CFDP1: variants seen among roughly 807,000 people sequenced by gnomAD.
CFDP1 encodes chromatin remodeling protein CFDP1.
CFDP1 carries 31 observed loss-of-function variants against 40.1 expected under a neutral mutation model. The observed-to-expected ratio is 0.77, with a 90% confidence interval of 0.58 to 1.04. The LOEUF (loss-of-function observed/expected upper bound fraction) is 1.04, where lower values mean the gene tolerates loss of function less well. Ranked by LOEUF, CFDP1 falls within the 50% of genes least tolerant of loss-of-function variation. The pLI is 0.00. For missense variants in CFDP1, 423 were observed against 343.4 expected (o/e 1.23, Z -1.83); for synonymous variants, 167 against 120.0 (o/e 1.39, Z -2.56).
chr16:75,346,299 T>C (rs879380224), intron 5 of CFDP1, among the ~76,000 whole-genome samples: 9 of 152,042 alleles, frequency 5.9e-5, no homozygotes, highest in Non-Finnish European at 8.8e-5. Flanking sequence ...GAGCACCAGG[T>C]AGGGCTGGGC....
At chr16:75,351,433 G>A (rs1001847596) in intron 5 of CFDP1, among the ~76,000 whole-genome samples, 2 of 152,148 alleles carry the variant, frequency 1.3e-5, no homozygotes, top group African/African-American at 4.8e-5. Flanking sequence ...GGAATGTTTT[G>A]TTATGCCATA....
chr16:75,395,772 T>G (rs1427344626), intron 4 of CFDP1, among the ~76,000 whole-genome samples: 1 of 152,164 alleles, frequency 6.6e-6, no homozygotes, highest in East Asian at 1.9e-4. Flanking sequence ...CAAAATCCCC[T>G]AAAACTGGCT....
chr16:75,317,626 G>A (rs1047207505), intron 5 of CFDP1, among the ~76,000 whole-genome samples: 5 of 152,162 alleles, frequency 3.3e-5, no homozygotes, highest in Non-Finnish European at 5.9e-5. Flanking sequence ...ACATTTCTGA[G>A]ACACAATTTT....
chr16:75,305,502 T>C (rs1430299765), intron 5 of CFDP1: 1 of 262,348 alleles, frequency 3.8e-6, no homozygotes, highest in Non-Finnish European at 7.3e-6. Context: ...GGCAGGGCTT[T>C]GGAGTCACAT....
At chr16:75,327,465 G>A (rs1039761360) in intron 5 of CFDP1, among the ~76,000 whole-genome samples, 1 of 138,874 alleles carries the variant, frequency 7.2e-6, no homozygotes, top group South Asian at 2.1e-4. Context: ...GAAGGGGACA[G>A]AAGGTGAAGG....
chr16:75,416,699 G>A (rs1439172376), intron 1 of CFDP1, among the ~76,000 whole-genome samples: 1 of 152,134 alleles, frequency 6.6e-6, no homozygotes. Flanking sequence ...AGTGAGCCAA[G>A]ATCACACCAC....
intron 5 of CFDP1, among the ~76,000 whole-genome samples, chr16:75,323,028 T>C (rs777232832): frequency 5.9e-5 from 9 of 151,834 alleles, no homozygotes; most frequent in Non-Finnish European, 1.2e-4. Context: ...ATTTAGAAAA[T>C]TTTTTTTTCT....
At chr16:75,296,751 G>T (rs1376264359) in intron 6 of CFDP1, among the ~76,000 whole-genome samples, 1 of 152,182 alleles carries the variant, frequency 6.6e-6, no homozygotes, top group Non-Finnish European at 1.5e-5. Flanking sequence ...GGATGCAACT[G>T]AATTCTCAAG....
chr16:75,317,763 T>A (rs549547891), intron 5 of CFDP1, among the ~76,000 whole-genome samples: 2 of 152,182 alleles, frequency 1.3e-5, no homozygotes, highest in South Asian at 4.1e-4. Context: ...CTCCCACCAG[T>A]CACAGCCGCA....
intron 4 of CFDP1, among the ~76,000 whole-genome samples, chr16:75,397,858 T>C (rs550512363): frequency 3.9e-5 from 6 of 152,298 alleles, no homozygotes; most frequent in Admixed American, 2.6e-4. Flanking sequence ...AATCCTTCCC[T>C]ACTCCACTGA....
intron 6 of CFDP1, among the ~76,000 whole-genome samples, chr16:75,294,669 C>T (rs910116981): frequency 2.6e-5 from 4 of 152,166 alleles, no homozygotes; most frequent in Non-Finnish European, 4.4e-5. Flanking sequence ...TTCTCCTCTC[C>T]GCAGTATCCT....
chr16:75,395,155 C>G lies in CFDP1; in HGVS notation c.585G>C (p.Gln195His), dbSNP rs1261279077. 1 of 1,613,674 alleles carries G rather than the reference C, an allele frequency of 6.2e-7. No individual in the cohort carries two copies. Among genetic ancestry groups the G allele is most frequent in the Non-Finnish European group, 8.5e-7 (1 of 1,179,808 alleles). ...TSKEAKSFFK[Q>H]NEKEKPQANV... ...TAGCCTGTGGTTTTTCTTTCTCATT[C>G]TGCTTGAAGAAGGATTTGGCCTCTT... The change falls in exon 5 of 7, where the codon CAG (glutamine) becomes CAC (histidine). Residue 195 changes from glutamine (Q) to histidine (H), a missense_variant. Gln to His is a conservative substitution (Grantham distance 24). Transcript: ENST00000283882.
intron 5 of CFDP1, among the ~76,000 whole-genome samples, chr16:75,305,590 C>T (rs1033729034): frequency 9.2e-5 from 14 of 152,174 alleles, no homozygotes; most frequent in African/African-American, 3.1e-4. Context: ...TCCTAATCTA[C>T]AAAGCAAATG....
intron 4 of CFDP1, among the ~76,000 whole-genome samples, chr16:75,401,558 C>A (rs530478304): frequency 4.1e-4 from 62 of 151,948 alleles, no homozygotes; most frequent in Non-Finnish European, 8.1e-4. Flanking sequence ...TGAGATAGCG[C>A]CACTACACTC....
At chr16:75,325,141 G>A (rs186685794) in intron 5 of CFDP1, 3 of 152,476 alleles carry the variant, frequency 2.0e-5, no homozygotes, top group East Asian at 1.9e-4. Context: ...CTTACCTTCA[G>A]CCCAGACTCT....
intron 5 of CFDP1, among the ~76,000 whole-genome samples, chr16:75,361,353 ACAC>A (rs1396350756): frequency 6.6e-6 from 1 of 152,174 alleles, no homozygotes; most frequent in Non-Finnish European, 1.5e-5. Flanking sequence ...GCGGTGGCTC[ACAC>A]CTGTAATCCC....
chr16:75,326,100 A>G (rs1349294380), intron 5 of CFDP1, among the ~76,000 whole-genome samples: 1 of 152,292 alleles, frequency 6.6e-6, no homozygotes, highest in Non-Finnish European at 1.5e-5. Flanking sequence ...CCATGAAAAC[A>G]GAATTTTGTG....
chr16:75,302,225 A>G (rs1485289857), intron 6 of CFDP1, among the ~76,000 whole-genome samples: 1 of 152,014 alleles, frequency 6.6e-6, no homozygotes, highest in African/African-American at 2.4e-5. Context: ...AACTCTTCCT[A>G]TCTTTAACAG....
intron 5 of CFDP1, among the ~76,000 whole-genome samples, chr16:75,314,037 A>T (rs569635289): frequency 4.6e-5 from 7 of 152,022 alleles, no homozygotes; most frequent in Non-Finnish European, 1.0e-4. Context: ...GGTGACCGCT[A>T]CCATGCCTGG....
Sources: allele counts gnomAD v4.1 joint callset (sites outside exome capture counted in the v4.1 genomes callset), GRCh38; gene constraint gnomAD v4.1.1; transcripts MANE v1.5; gene names NCBI Gene and HGNC (gene_info 2026-07-23, HGNC 2026-07-21).